The following USH2A variants were observed in gnomAD, a reference collection of about 807,000 sequenced individuals.
The protein encoded by USH2A is usherin.
In USH2A, 443 loss-of-function variants were observed where a neutral mutation model predicts 538.9. That is an observed-to-expected ratio of 0.82 (90% CI 0.76 to 0.89). The LOEUF (loss-of-function observed/expected upper bound fraction) is 0.89. USH2A is among the 40% of genes least tolerant of loss of function. The pLI, the probability that USH2A is intolerant of heterozygous loss-of-function variation, is 0.00. For missense variants in USH2A, 6,633 were observed against 6,324.8 expected (o/e 1.05, Z -1.65); for synonymous variants, 2,413 against 2,273.5 (o/e 1.06, Z -1.75).
intron 55 of USH2A, among the ~76,000 whole-genome samples, chr1:215,769,938 G>A (rs72742724): frequency 0.029 from 4,417 of 152,246 alleles, 87 homozygotes; most frequent in South Asian, 0.05. Context: ...ATCCTCAAGA[G>A]CTGTGTCTGT....
intron 49 of USH2A, among the ~76,000 whole-genome samples, chr1:215,800,640 C>A (rs1308396484): frequency 1.3e-5 from 2 of 151,876 alleles, no homozygotes; most frequent in African/African-American, 2.4e-5. Flanking sequence ...TACTGTTTAC[C>A]AAAATGATAT....
chr1:216,379,464 A>G (rs2038893634), intron 3 of USH2A, among the ~76,000 whole-genome samples: 1 of 152,118 alleles, frequency 6.6e-6, no homozygotes, highest in African/African-American at 2.4e-5. Flanking sequence ...AAAAAAAAAA[A>G]GCAGAAAACC....
intron 3 of USH2A, among the ~76,000 whole-genome samples, chr1:216,409,854 A>G (rs1013304907): frequency 2.6e-5 from 4 of 152,194 alleles, no homozygotes; most frequent in Non-Finnish European, 4.4e-5. Flanking sequence ...TGCCAAAAGC[A>G]ATGACAAATG....
At chr1:215,707,749 A>C (rs1004563407) in intron 61 of USH2A, among the ~76,000 whole-genome samples, 1 of 152,222 alleles carries the variant, frequency 6.6e-6, no homozygotes, top group East Asian at 1.9e-4. Flanking sequence ...AAGTATGAAC[A>C]TACTGGATTT....
At chr1:215,973,003 T>A (rs1363784403) in intron 35 of USH2A, among the ~76,000 whole-genome samples, 1 of 152,170 alleles carries the variant, frequency 6.6e-6, no homozygotes, top group African/African-American at 2.4e-5. Context: ...GGAAAAAAGA[T>A]ATGATCAGGT....
chr1:216,421,834 A>C lies in USH2A; in HGVS notation c.485+18T>G. ...GTTTTGGGGACCTATGAAAGCTTAT[A>C]CCTACACTACTACTTACATTACACC... On this transcript the variant is annotated intron_variant, in intron 2 of 71. Transcript: ENST00000307340. 1 of 1,613,824 alleles carries C rather than the reference A, an allele frequency of 6.2e-7. No homozygotes were observed. The highest frequency in any genetic ancestry group is 1.1e-5 in the South Asian group (1 of 91,078).
chr1:216,402,817 T>C (rs1008364815), intron 3 of USH2A, among the ~76,000 whole-genome samples: 13 of 152,106 alleles, frequency 8.5e-5, no homozygotes, highest in African/African-American at 2.2e-4. Context: ...CCTCATTTTG[T>C]CCAAGAGTCA....
intron 35 of USH2A, among the ~76,000 whole-genome samples, chr1:215,978,454 A>T (rs1033606551): frequency 6.6e-6 from 1 of 152,206 alleles, no homozygotes; most frequent in Admixed American, 6.5e-5. Flanking sequence ...TCTCAAAGCA[A>T]TCAAGATAAG....
chr1:215,697,560 T>C (rs1228057451), intron 61 of USH2A, among the ~76,000 whole-genome samples: 1 of 152,170 alleles, frequency 6.6e-6, no homozygotes, highest in Non-Finnish European at 1.5e-5. Context: ...TCGTTCTTGT[T>C]GACCTGGCTG....
intron 70 of USH2A, among the ~76,000 whole-genome samples, chr1:215,633,187 C>T (rs1464417074): frequency 6.6e-6 from 1 of 152,150 alleles, no homozygotes; most frequent in Non-Finnish European, 1.5e-5. Context: ...ACCCAAGGAG[C>T]AGCAGCAGTA....
chr1:216,078,349 CT>C lies in USH2A; in HGVS notation c.5311del (p.Ser1771ValfsTer4). 1 of 1,613,550 alleles carries C rather than the reference CT, an allele frequency of 6.2e-7. No individual in the cohort carries two copies. The highest frequency in any genetic ancestry group is 2.2e-5 in the East Asian group (1 of 44,866). ...GPDFLAMELK[S>X]GILTFRLNTS... ...ATTTAACCGGAAGGTCAATATTCCA[CT>C]TTTCAGCTCCATCTGTATTTTATAT... On this transcript the variant is annotated frameshift_variant, in exon 27 of 72. Coordinates refer to ENST00000307340, the MANE Select transcript of USH2A (RefSeq NM_206933.4). LOFTEE classifies it high-confidence loss of function.
In USH2A at chr1:215,823,361, C is replaced by T. The variant is rs115651255; in HGVS notation, c.9372-6166G>A. On this transcript the variant is annotated intron_variant, in intron 47 of 71. Coordinates refer to ENST00000307340, the MANE Select transcript of USH2A (RefSeq NM_206933.4). ...TATTTCAGCACTTTGAAAATGTCAT[C>T]CCACTTCCTCCTAGCTTGTATGGTT... is the stretch of plus-strand genomic sequence containing the variant. Among the ~76,000 whole-genome samples, 588 of 152,070 alleles carry T rather than the reference C, an allele frequency of 3.9e-3. 5 individuals are homozygous for T. Among genetic ancestry groups the T allele is most frequent in the African/African-American group, 0.013 (533 of 41,518 alleles).
At chr1:215,658,062 T>C (rs1657319583) in intron 64 of USH2A, among the ~76,000 whole-genome samples, 1 of 151,434 alleles carries the variant, frequency 6.6e-6, no homozygotes, top group Admixed American at 6.6e-5. Flanking sequence ...GCCTCCCGAG[T>C]AGCCTGGGAC....
Position 215,728,231 on chromosome 1 carries a change from C to G in USH2A, c.11865G>C (p.Trp3955Cys). 6.2e-7 allele frequency: 1 copy of G among 1,614,144 alleles called. No individual in the cohort carries two copies. The highest frequency in any genetic ancestry group is 8.5e-7 in the Non-Finnish European group (1 of 1,180,034). ...CNSKGSVESL[W>C]SLTQTLEAPP... ...GAGCTTCCAGAGTTTGTGTTAATGA[C>G]CACAGACTCTCCACTGAACCCTTGG... The change falls in exon 61 of 72, where the codon TGG becomes TGC. Residue 3955 changes from tryptophan (W) to cysteine (C), a missense_variant. Coordinates refer to ENST00000307340, the MANE Select transcript of USH2A (RefSeq NM_206933.4).
intron 21 of USH2A, among the ~76,000 whole-genome samples, chr1:216,157,141 G>A (rs536300622): frequency 1.3e-5 from 2 of 152,060 alleles, no homozygotes. Context: ...CAAAGTGCTG[G>A]ATTACAGGTG....
intron 4 of USH2A, among the ~76,000 whole-genome samples, chr1:216,341,995 T>G (rs2038085428): frequency 6.6e-6 from 1 of 152,054 alleles, no homozygotes; most frequent in Non-Finnish European, 1.5e-5. Flanking sequence ...AATTGCCAAA[T>G]GGGATCTAAT....
At chr1:215,717,623 G>A (rs536201908) in intron 61 of USH2A, among the ~76,000 whole-genome samples, 19 of 152,246 alleles carry the variant, frequency 1.2e-4, no homozygotes, top group African/African-American at 4.1e-4. Flanking sequence ...ATCTGTTATA[G>A]CTTCTGGACC....
chr1:216,196,453 A>G, intron 19 of USH2A, 100 bp downstream of exon 19: 2 of 1,365,834 alleles, frequency 1.5e-6, no homozygotes, highest in Non-Finnish European at 2.1e-6. Context: ...TTTAATCAAT[A>G]TAGAGGGAGA....
chr1:215,926,267 C>T (rs1328444704), intron 38 of USH2A, among the ~76,000 whole-genome samples: 2 of 149,842 alleles, frequency 1.3e-5, no homozygotes, highest in Non-Finnish European at 3.0e-5. Flanking sequence ...GATAGTGCTA[C>T]CCACACATTT....
Sources: allele counts gnomAD v4.1 joint callset (sites outside exome capture counted in the v4.1 genomes callset), GRCh38; gene constraint gnomAD v4.1.1; transcripts MANE v1.5; gene names NCBI Gene and HGNC (gene_info 2026-07-23, HGNC 2026-07-21).